The following PCDHA3 variants were observed in gnomAD, a reference collection of about 807,000 sequenced individuals.
The protein encoded by PCDHA3 is protocadherin alpha 3.
PCDHA3 carries 41 observed loss-of-function variants against 62.2 expected under a neutral mutation model. The observed-to-expected ratio is 0.66, with a 90% CI of 0.51 to 0.86. The LOEUF is 0.86. Among genes scored for constraint, PCDHA3 ranks in the 40% least tolerant of loss-of-function variants. The probability of loss-of-function intolerance (pLI) is 0.00; values close to 1 mark genes in which losing one functional copy is unlikely to be tolerated. For synonymous variants in PCDHA3, 640 were observed against 555.4 expected (o/e 1.15, Z -2.14); for missense variants, 1,304 against 1,241.2 (o/e 1.05, Z -0.76).
chr5:140,871,966 C>G (rs1210672603), intron 1 of PCDHA3, among the ~76,000 whole-genome samples: 2 of 152,204 alleles, frequency 1.3e-5, no homozygotes, highest in African/African-American at 4.8e-5. Context: ...AGGAGGTCTT[C>G]CTATGATGTC....
In PCDHA3 at chr5:140,808,260, C is replaced by T. The variant is rs1412132205; in HGVS notation, c.2394+4669C>T. ...TTGGAATTCAAGTCTTTATCACTTC[C>T]AATTAGAGAGGACGCTCCACTGGGT... On this transcript the variant is annotated intron_variant, in intron 1 of 3. Coordinates refer to ENST00000522353, the MANE Select transcript of PCDHA3 (RefSeq NM_018906.3). The T allele has an allele frequency of 2.5e-6, 4 of 1,614,102 alleles. No homozygotes were observed. Among genetic ancestry groups the T allele is most frequent in the African/African-American group, 1.3e-5 (1 of 74,936 alleles).
At chr5:140,807,957 A>G (rs1554124363) in intron 1 of PCDHA3, 1 of 1,612,504 alleles carries the variant, frequency 6.2e-7, no homozygotes, top group South Asian at 1.1e-5. Flanking sequence ...AATGTTCCTA[A>G]TGGAACATTG....
chr5:140,842,888 C>G, intron 1 of PCDHA3: 1 of 1,593,820 alleles, frequency 6.3e-7, no homozygotes, highest in South Asian at 1.1e-5. Flanking sequence ...GCTGCAGCCG[C>G]TGGACCACGA....
chr5:141,000,192 T>C lies in PCDHA3; in HGVS notation c.2543-9435T>C, dbSNP rs112948047. 6.4e-3 allele frequency among the ~76,000 whole-genome samples: 968 copies of C among 151,888 alleles called. 13 individuals carry two copies. Among genetic ancestry groups the C allele is most frequent in the African/African-American group, 0.023 (941 of 41,384 alleles). ...TTGAGCCAAGGAGTCAATGTGAGAA[T>C]AGTTTTTCACCTTCATTATCAAATG... On this transcript the variant is annotated intron_variant, in intron 3 of 3. Coordinates refer to ENST00000522353, the MANE Select transcript of PCDHA3 (RefSeq NM_018906.3).
At chr5:140,853,209 A>G (rs1399552448) in intron 1 of PCDHA3, 10 of 983,300 alleles carry the variant, frequency 1.0e-5, no homozygotes, top group Non-Finnish European at 1.1e-5. Context: ...TGACGGCTGT[A>G]TTGATGGGAT....
At chr5:140,985,712 A>G (rs1319708410) in intron 3 of PCDHA3, among the ~76,000 whole-genome samples, 2 of 148,826 alleles carry the variant, frequency 1.3e-5, no homozygotes, top group Non-Finnish European at 3.0e-5. Context: ...TGTTTCTTAA[A>G]GTTATTTTTC....
At chr5:141,005,632 G>C (rs2098225457) in intron 3 of PCDHA3, among the ~76,000 whole-genome samples, 2 of 148,162 alleles carry the variant, frequency 1.3e-5, no homozygotes, top group Non-Finnish European at 3.0e-5. Context: ...AACCCGGGAG[G>C]CGGAGCTTGC....
intron 1 of PCDHA3, chr5:140,824,296 G>T: frequency 4.5e-6 from 4 of 897,790 alleles, no homozygotes; most frequent in Non-Finnish European, 5.3e-6. Context: ...AGGCTTTTCT[G>T]CTGGGGTAAT....
intron 1 of PCDHA3, chr5:140,861,381 G>T: frequency 2.3e-6 from 1 of 433,922 alleles, no homozygotes; most frequent in African/African-American, 2.0e-5. Context: ...TATTGCGCAG[G>T]ACCTGGGTCT....
chr5:140,994,017 T>C (rs2153920554), intron 3 of PCDHA3, among the ~76,000 whole-genome samples: 1 of 152,336 alleles, frequency 6.6e-6, no homozygotes, highest in South Asian at 2.1e-4. Flanking sequence ...TTCTAGGTGA[T>C]GCAGATATAA....
Position 140,928,935 on chromosome 5 carries a change from C to G in PCDHA3, c.2395-50014C>G, listed in dbSNP as rs782430427. On this transcript the variant is annotated intron_variant, in intron 1 of 3. Transcript: ENST00000522353. ...CAGGAGGGCAGCTTTCTGCCCAGAA[C>G]TTGTATTTAGTAATTGCCTTGGCTT... The G allele has an allele frequency of 2.5e-6, 4 of 1,613,984 alleles. No individual in the cohort carries two copies. The East Asian group carries it at 8.9e-5, about 36-fold the overall frequency.
In PCDHA3 at chr5:140,803,590, A is replaced by C. The variant is rs376686641; in HGVS notation, c.2393A>C (p.Lys798Thr). 42 of 1,614,072 alleles carry C rather than the reference A, an allele frequency of 2.6e-5. 1 individual carries two copies. The highest frequency in any genetic ancestry group is 2.0e-4 in the East Asian group (9 of 44,886). Residue 798 changes from lysine to threonine, a missense_variant and splice_region_variant, in exon 1 of 4, where the codon AAA (lysine) becomes ACA (threonine). Physicochemically the swap from Lys to Thr is moderately conservative, Grantham distance 78. Coordinates refer to ENST00000522353, the MANE Select transcript of PCDHA3 (RefSeq NM_018906.3). ...KQDVDVDLSA[K>T]PRQPNPDWRY... Reference sequence around the variant, plus strand: ...GATGTGGACGTTGATCTCTCAGCCAAAGTGAGTAATTTTTATTTATTCTTT... The same window carrying C: ...GATGTGGACGTTGATCTCTCAGCCACAGTGAGTAATTTTTATTTATTCTTT...
chr5:140,871,176 G>A (rs782559553), intron 1 of PCDHA3: 12 of 1,613,416 alleles, frequency 7.4e-6, no homozygotes, highest in Non-Finnish European at 1.0e-5. Flanking sequence ...CAGAGGCTGC[G>A]CTGGTGGATG....
rs1554149409 is a variant in PCDHA3 at position 140,857,004 on chromosome 5, T to G, written c.2394+53413T>G. 3 of 1,595,634 alleles carry G rather than the reference T, an allele frequency of 1.9e-6. No individual in the cohort carries two copies. The South Asian group carries it at 3.3e-5, about 18-fold the overall frequency. ...GACAGTAACACTTATGAAATTCATG[T>G]AGATGTTACAGATAAGGGAAACCCA... On this transcript the variant is annotated intron_variant, in intron 1 of 3. Coordinates refer to ENST00000522353, the MANE Select transcript of PCDHA3 (RefSeq NM_018906.3).
chr5:140,803,832 G>A, intron 1 of PCDHA3: 1 of 621,098 alleles, frequency 1.6e-6, no homozygotes, highest in African/African-American at 1.8e-5. Flanking sequence ...TGCAGTAGTA[G>A]AATTATTTTA....
chr5:140,860,895 G>A (rs185431284), intron 1 of PCDHA3: 2,100 of 152,348 alleles, frequency 0.014, 26 homozygotes, highest in Non-Finnish European at 0.02. Flanking sequence ...CCGCCAACAC[G>A]CCAGGCTAAT....
At chr5:140,886,545 C>T (rs894582397) in intron 1 of PCDHA3, among the ~76,000 whole-genome samples, 5 of 151,964 alleles carry the variant, frequency 3.3e-5, no homozygotes, top group Non-Finnish European at 7.4e-5. Flanking sequence ...AAGGTCTTCC[C>T]AGCTGGGCAC....
At chr5:140,870,711 G>T (rs781786878) in intron 1 of PCDHA3, 1 of 1,613,108 alleles carries the variant, frequency 6.2e-7, no homozygotes, top group Non-Finnish European at 8.5e-7. Flanking sequence ...AGGTGAGCGC[G>T]CGCGATGCGG....
chr5:140,922,830 A>G (rs2081013341), intron 1 of PCDHA3, among the ~76,000 whole-genome samples: 1 of 152,264 alleles, frequency 6.6e-6, no homozygotes, highest in Admixed American at 6.5e-5. Context: ...TACTGCTAAT[A>G]GATGTCCTCA....
Sources: gnomAD v4.1 joint callset for allele counts (sites outside exome capture counted in the v4.1 genomes callset) on GRCh38, gnomAD v4.1.1 for gene constraint, MANE v1.5 for transcripts, NCBI Gene and HGNC (gene_info 2026-07-23, HGNC 2026-07-21) for gene names.